The following MAP2K5 variants were observed in gnomAD, a reference collection of about 807,000 sequenced individuals.
The protein encoded by MAP2K5 is dual specificity mitogen-activated protein kinase kinase 5.
MAP2K5 carries 49 observed loss-of-function variants against 83.1 expected under a neutral mutation model. That is an observed-to-expected ratio of 0.59 (90% confidence interval 0.47 to 0.75). MAP2K5 has a LOEUF of 0.75. Ranked by LOEUF, MAP2K5 falls within the 30% of genes least tolerant of loss-of-function variation. MAP2K5 has a pLI of 0.00. For missense variants in MAP2K5, 457 were observed against 557.5 expected (o/e 0.82, Z 1.82); for synonymous variants, 202 against 191.8 (o/e 1.05, Z -0.44).
At chr15:67,571,761 C>CA (rs1835199081) in intron 3 of MAP2K5, among the ~76,000 whole-genome samples, 1 of 152,158 alleles carries the variant, frequency 6.6e-6, no homozygotes, top group Non-Finnish European at 1.5e-5. Context: ...CTTGAGGTCA[C>CA]ACAGCTAGTC....
In MAP2K5 at chr15:67,587,201, A is replaced by C. The variant is rs915191651; in HGVS notation, c.431+288A>C. 6.6e-6 allele frequency among the ~76,000 whole-genome samples: 1 copy of C among 152,154 alleles called. No individual in the cohort carries two copies. The highest frequency in any genetic ancestry group is 2.4e-5 in the African/African-American group (1 of 41,440). ...CCCTGAGGTGGAGAAGGAGCTCAGCATGTTTGTGAGTAGGCCAGTTTGGCA... is the reference window on the plus strand; with the variant it reads ...CCCTGAGGTGGAGAAGGAGCTCAGCCTGTTTGTGAGTAGGCCAGTTTGGCA... On this transcript the variant is annotated intron_variant, in intron 6 of 21. Coordinates refer to ENST00000178640, the MANE Select transcript of MAP2K5 (RefSeq NM_145160.3). This position sits in a 1 kb window ranked among gnomAD's most constrained non-coding sequence, Gnocchi z 4.8.
At chr15:67,742,516 C>A (rs2089517526) in intron 17 of MAP2K5, among the ~76,000 whole-genome samples, 1 of 152,174 alleles carries the variant, frequency 6.6e-6, no homozygotes, top group South Asian at 2.1e-4. Flanking sequence ...CTCCTTCCCC[C>A]AGCTGCCCCT....
intron 9 of MAP2K5, chr15:67,641,516 CT>C: frequency 1.0e-6 from 1 of 999,784 alleles, no homozygotes; most frequent in African/African-American, 1.7e-5. Flanking sequence ...CGTATTTATA[CT>C]GTATATTTTA....
At position 67,755,286 on chromosome 15, in the gene MAP2K5, C is replaced by CT. The variant is rs2089811915; in HGVS notation, c.1134+6690dup. ...AGCCACCACTCCTGGCTTTTAGAAG[C>CT]TTTTTAGTAACATTGTTATAAAGTA... On this transcript the variant is annotated intron_variant, in intron 19 of 21. Coordinates refer to ENST00000178640, the MANE Select transcript of MAP2K5 (RefSeq NM_145160.3). The surrounding 1 kb of genome is among the most constrained non-coding windows in gnomAD (Gnocchi z 4.7). 6.6e-6 allele frequency among the ~76,000 whole-genome samples: 1 copy of CT among 152,056 alleles called. No homozygotes were observed. The highest frequency in any genetic ancestry group is 1.5e-5 in the Non-Finnish European group (1 of 67,984).
intron 4 of MAP2K5, among the ~76,000 whole-genome samples, chr15:67,584,715 G>A (rs939894003): frequency 8.8e-5 from 10 of 114,040 alleles, no homozygotes; most frequent in Non-Finnish European, 1.5e-4. Flanking sequence ...GTCTCGCTCT[G>A]TCGCCCAGGC....
At chr15:67,648,742 G>A (rs1278469715) in intron 11 of MAP2K5, among the ~76,000 whole-genome samples, 1 of 151,980 alleles carries the variant, frequency 6.6e-6, no homozygotes, top group Non-Finnish European at 1.5e-5. Flanking sequence ...GTGCCACCAT[G>A]CCCAGCTAAG....
chr15:67,778,586 T>A lies in MAP2K5; in HGVS notation c.1242+5834T>A, dbSNP rs1266761270. Among the ~76,000 whole-genome samples the A allele has an allele frequency of 2.0e-5, 3 of 151,558 alleles. No individual in the cohort carries two copies. Among genetic ancestry groups the A allele is most frequent in the African/African-American group, 7.3e-5 (3 of 41,168 alleles). Reference sequence around the variant, plus strand: ...TTATGAAGGCAGGTAAACAAGGGGGTCACCAGCAAGTCTTAGAGAAGTCAC... The same window carrying A: ...TTATGAAGGCAGGTAAACAAGGGGGACACCAGCAAGTCTTAGAGAAGTCAC... On this transcript the variant is annotated intron_variant, in intron 21 of 21. Coordinates refer to ENST00000178640, the MANE Select transcript of MAP2K5 (RefSeq NM_145160.3). This position sits in a 1 kb window ranked among gnomAD's most constrained non-coding sequence, Gnocchi z 5.0.
intron 12 of MAP2K5, among the ~76,000 whole-genome samples, chr15:67,661,080 C>T (rs2087225265): frequency 6.6e-6 from 1 of 152,028 alleles, no homozygotes; most frequent in Non-Finnish European, 1.5e-5. Flanking sequence ...AGGTTCATTA[C>T]AGCATGGACC....
At chr15:67,710,073 G>A (rs1312128295) in intron 16 of MAP2K5, among the ~76,000 whole-genome samples, 1 of 152,112 alleles carries the variant, frequency 6.6e-6, no homozygotes, top group African/African-American at 2.4e-5. Context: ...GGTTGCCCAG[G>A]CTTGCCTTGA....
rs551181776 is a variant in MAP2K5 at position 67,659,000 on chromosome 15, A to G, written c.798+386A>G. On this transcript the variant is annotated intron_variant, in intron 12 of 21. Coordinates refer to ENST00000178640, the MANE Select transcript of MAP2K5 (RefSeq NM_145160.3). ...TTGTTAAAGCAGTCTATGAGAAAAT[A>G]TTAATTTATTAAGAACAAAGTAGTA... is the stretch of plus-strand genomic sequence containing the variant. 164 of 286,216 alleles carry G rather than the reference A, an allele frequency of 5.7e-4. 2 individuals are homozygous for G. Among genetic ancestry groups the G allele is most frequent in the Middle Eastern group, 1.2e-3 (2 of 1,618 alleles). 17.7% of individuals were successfully genotyped at this position (286,216 alleles called of 1,614,324 possible). A position where few individuals can be genotyped will look rare whatever the true frequency, so the allele number is the denominator to read the frequency against.
chr15:67,664,515 AT>A (rs765517158), intron 12 of MAP2K5, 81 bp from the exon 13 acceptor site: 18 of 883,466 alleles, frequency 2.0e-5, no homozygotes, highest in African/African-American at 5.1e-5. Flanking sequence ...AAAAAAAAAA[AT>A]GTTGAATGTA....
At chr15:67,645,563 T>A (rs753719773) in intron 9 of MAP2K5, among the ~76,000 whole-genome samples, 17 of 152,152 alleles carry the variant, frequency 1.1e-4, no homozygotes, top group African/African-American at 4.1e-4. Flanking sequence ...AGATAGTTCT[T>A]TTTTTTAAGA....
chr15:67,729,930 T>A (rs1421681148), intron 17 of MAP2K5, among the ~76,000 whole-genome samples: 1 of 152,230 alleles, frequency 6.6e-6, no homozygotes, highest in African/African-American at 2.4e-5. Context: ...ATTCTAATAC[T>A]ATGCTGAACT....
At chr15:67,798,006 G>A (rs1463787158) in intron 21 of MAP2K5, among the ~76,000 whole-genome samples, 1 of 152,142 alleles carries the variant, frequency 6.6e-6, no homozygotes, top group Non-Finnish European at 1.5e-5. Flanking sequence ...TACTCAAGAG[G>A]TAAGGAAAGC....
intron 17 of MAP2K5, among the ~76,000 whole-genome samples, chr15:67,735,000 T>C (rs1369956027): frequency 6.6e-6 from 1 of 152,230 alleles, no homozygotes; most frequent in Non-Finnish European, 1.5e-5. Context: ...ATATAGACAT[T>C]TAAAATATCC....
chr15:67,547,604 C>T (rs559582467), intron 1 of MAP2K5, among the ~76,000 whole-genome samples: 1 of 152,096 alleles, frequency 6.6e-6, no homozygotes, highest in South Asian at 2.1e-4. Flanking sequence ...TACAGATACA[C>T]ACCACACATC....
intron 13 of MAP2K5, among the ~76,000 whole-genome samples, chr15:67,686,145 A>G (rs1277228253): frequency 2.0e-5 from 3 of 152,196 alleles, no homozygotes; most frequent in Admixed American, 6.5e-5. Flanking sequence ...GAACCCAGCC[A>G]TATCAATAAT....
intron 13 of MAP2K5, among the ~76,000 whole-genome samples, chr15:67,686,693 A>AAC (rs2087965899): frequency 6.6e-6 from 1 of 152,156 alleles, no homozygotes; most frequent in African/African-American, 2.4e-5. Flanking sequence ...CTAATGTATA[A>AAC]TGACAAAACC....
chr15:67,550,710 T>A (rs2084490703), intron 2 of MAP2K5, among the ~76,000 whole-genome samples: 1 of 151,942 alleles, frequency 6.6e-6, no homozygotes, highest in Admixed American at 6.6e-5. Context: ...CTGAGAGGGA[T>A]GAAGTAAGAA....
Sources: allele counts gnomAD v4.1 joint callset (sites outside exome capture counted in the v4.1 genomes callset), GRCh38; gene constraint gnomAD v4.1.1; non-coding constraint Gnocchi (gnomAD v3.1); transcripts MANE v1.5; gene names NCBI Gene and HGNC (gene_info 2026-07-23, HGNC 2026-07-21).